The following ARMC6 variants were observed in gnomAD, a reference collection of about 807,000 sequenced individuals.
ARMC6 encodes the protein armadillo repeat containing 6.
In ARMC6, 43 loss-of-function variants were observed where a neutral mutation model predicts 49.2. That is an observed-to-expected ratio of 0.87 (90% CI 0.69 to 1.13). The LOEUF (loss-of-function observed/expected upper bound fraction) is 1.13. Among genes scored for constraint, ARMC6 ranks in the 50% most tolerant of loss-of-function variants. The pLI is 0.00. For missense variants in ARMC6, 627 were observed against 682.0 expected, an observed-to-expected ratio of 0.92 and a Z score of 0.90; for synonymous variants, 262 against 289.6, an observed-to-expected ratio of 0.90 and a Z score of 0.97.
intron 2 of ARMC6, chr19:19,039,199 G>T: frequency 3.5e-6 from 1 of 285,508 alleles, no homozygotes; most frequent in East Asian, 1.1e-4. Flanking sequence ...CAGTGGCCCA[G>T]TCACAGCTCA....
At chr19:19,044,202 T>A in intron 4 of ARMC6, 128 bp downstream of exon 4, 1 of 944,566 alleles carries the variant, frequency 1.1e-6, no homozygotes, top group Non-Finnish European at 1.6e-6. Flanking sequence ...TGGGCAAGCT[T>A]GAGTTTGCAG....
At chr19:19,041,877 TC>T (rs1486769786) in intron 2 of ARMC6, among the ~76,000 whole-genome samples, 1 of 152,156 alleles carries the variant, frequency 6.6e-6, no homozygotes, top group African/African-American at 2.4e-5. Context: ...TATAGGGAGT[TC>T]CGAGTTTTTA....
chr19:19,056,010 G>T (rs1409220700), intron 8 of ARMC6, 82 bp downstream of exon 8: 1 of 1,466,364 alleles, frequency 6.8e-7, no homozygotes. Context: ...AGCAGGTGCG[G>T]TGTGCGGGTG....
intron 8 of ARMC6, among the ~76,000 whole-genome samples, chr19:19,056,707 A>G (rs1188380654): frequency 1.3e-5 from 2 of 152,090 alleles, no homozygotes; most frequent in Admixed American, 6.5e-5. Context: ...CACCCTGTCC[A>G]CACCTCCCTG....
intron 3 of ARMC6, 49 bp from the exon 4 acceptor site, chr19:19,043,943 G>A: frequency 6.4e-7 from 1 of 1,564,560 alleles, no homozygotes; most frequent in Non-Finnish European, 8.8e-7. Flanking sequence ...GATGACAGCT[G>A]TCACTTTCTT....
chr19:19,045,797 G>A (rs535408595), intron 4 of ARMC6, among the ~76,000 whole-genome samples: 5 of 151,890 alleles, frequency 3.3e-5, no homozygotes, highest in Middle Eastern at 3.4e-3. Flanking sequence ...GACTACAGGC[G>A]CCCGCCACCA....
intron 8 of ARMC6, among the ~76,000 whole-genome samples, chr19:19,056,470 C>G (rs1254723074): frequency 2.6e-5 from 4 of 152,288 alleles, no homozygotes; most frequent in African/African-American, 9.6e-5. Context: ...CCATGTTAGC[C>G]AGGCTGGTCT....
chr19:19,055,857 A>T lies in ARMC6; in HGVS notation c.1222A>T (p.Ile408Phe). 6.2e-7 allele frequency: 1 copy of T among 1,612,954 alleles called. No individual in the cohort carries two copies. Among genetic ancestry groups the T allele is most frequent in the East Asian group, 2.2e-5 (1 of 44,872 alleles). ...ALRKPDNSRI[I>F]VEGGGAVAAL... Reference sequence around the variant, plus strand: ...GCGTAAGCCCGACAACAGCCGCATCATCGTGGAGGGTGGCGGGGCTGTGGC... The same window carrying T: ...GCGTAAGCCCGACAACAGCCGCATCTTCGTGGAGGGTGGCGGGGCTGTGGC... The change falls in exon 8 of 9, where the codon ATC becomes TTC. Residue 408 changes from isoleucine (I) to phenylalanine (F), a missense_variant. Physicochemically the swap from Ile to Phe is conservative, Grantham distance 21. Transcript: ENST00000535612. This position sits in a 1 kb window ranked among gnomAD's most constrained non-coding sequence, Gnocchi z 5.7.
intron 2 of ARMC6, among the ~76,000 whole-genome samples, chr19:19,039,767 C>T (rs1192842247): frequency 1.3e-5 from 2 of 152,188 alleles, no homozygotes; most frequent in African/African-American, 4.8e-5. Flanking sequence ...TGCGCACAGA[C>T]CATTTTATCC....
chr19:19,043,683 CCCCACCAAG>C (rs1351852864), intron 3 of ARMC6, among the ~76,000 whole-genome samples: 3 of 152,212 alleles, frequency 2.0e-5, no homozygotes, highest in Middle Eastern at 3.4e-3. Context: ...TCCCTCCCTC[CCCCACCAAG>C]CCCACCAGGC....
At chr19:19,038,752 G>C (rs1016639553) in intron 2 of ARMC6, among the ~76,000 whole-genome samples, 13 of 151,974 alleles carry the variant, frequency 8.6e-5, no homozygotes, top group African/African-American at 3.1e-4. Flanking sequence ...ATTTAGTAGA[G>C]ACGGGGTTTC....
intron 2 of ARMC6, among the ~76,000 whole-genome samples, chr19:19,042,482 G>A (rs1170132960): frequency 6.6e-6 from 1 of 152,120 alleles, no homozygotes; most frequent in African/African-American, 2.4e-5. Flanking sequence ...TCAGAGTGCC[G>A]GGATTACAGG....
At chr19:19,053,979 G>A (rs1240042744) in intron 5 of ARMC6, among the ~76,000 whole-genome samples, 173 bp from the exon 6 acceptor site, 1 of 151,904 alleles carries the variant, frequency 6.6e-6, no homozygotes, top group African/African-American at 2.4e-5. Context: ...GCCAGCAGGG[G>A]GCACTGCAGG....
At chr19:19,038,364 T>G (rs1208036726) in intron 2 of ARMC6, among the ~76,000 whole-genome samples, 1 of 152,226 alleles carries the variant, frequency 6.6e-6, no homozygotes, top group Non-Finnish European at 1.5e-5. Flanking sequence ...AACTGGTCCC[T>G]TAGGCTAAAA....
rs768246925 is a variant in ARMC6, at chr19:19,057,527, C to CGT, written c.1407_1408dup (p.Asp470ValfsTer45). The CGT allele has an allele frequency of 7.4e-6, 12 of 1,614,080 alleles. No homozygotes were observed. Among genetic ancestry groups the CGT allele is most frequent in the Non-Finnish European group, 5.1e-6 (6 of 1,180,030 alleles). On this transcript the variant is annotated frameshift_variant, in exon 9 of 9. Coordinates refer to ENST00000535612, the MANE Select transcript of ARMC6 (RefSeq NM_001199196.2). LOFTEE classifies it high-confidence loss of function. The stretch of plus-strand genomic sequence containing the variant: ...CATCATGCAGGCCCGATCTGCCCAC[C>CGT]GTGACTGTGAGGACGTGGCCAAGGC...
intron 2 of ARMC6, 134 bp downstream of exon 2, chr19:19,034,372 TTAGA>T: frequency 3.4e-6 from 4 of 1,172,388 alleles, no homozygotes; most frequent in Admixed American, 4.2e-5. Flanking sequence ...CTTGGAAGGC[TTAGA>T]TAGAGAAGGT....
In ARMC6 at chr19:19,057,663, G is replaced by A. The variant is rs1475814838; in HGVS notation, c.*35G>A. ...CAGTCTGGGCCGTGACTCTGGGTGA[G>A]TCGTGTGACTCAGGAATGGGGGTAG... On this transcript the variant is annotated 3_prime_UTR_variant, in exon 9 of 9. Coordinates refer to ENST00000535612, the MANE Select transcript of ARMC6 (RefSeq NM_001199196.2). 1.3e-6 allele frequency: 2 copies of A among 1,596,094 alleles called. No individual in the cohort carries two copies. Among genetic ancestry groups the A allele is most frequent in the Non-Finnish European group, 8.5e-7 (1 of 1,169,902 alleles).
intron 5 of ARMC6, among the ~76,000 whole-genome samples, chr19:19,053,461 T>G (rs1316808377): frequency 6.6e-6 from 1 of 152,098 alleles, no homozygotes; most frequent in African/African-American, 2.4e-5. Context: ...CACTCCAGCC[T>G]TGGTGACAAA....
chr19:19,041,343 G>A (rs1403595209), intron 2 of ARMC6, among the ~76,000 whole-genome samples: 2 of 151,878 alleles, frequency 1.3e-5, no homozygotes, highest in South Asian at 2.1e-4. Flanking sequence ...CAACTTTATC[G>A]AGGTATAGGA....
Sources: allele counts gnomAD v4.1 joint callset (sites outside exome capture counted in the v4.1 genomes callset), GRCh38; gene constraint gnomAD v4.1.1; non-coding constraint Gnocchi (gnomAD v3.1); transcripts MANE v1.5; gene names NCBI Gene and HGNC (gene_info 2026-07-23, HGNC 2026-07-21).